Variants in PCM1 observed in about 807,000 individuals in gnomAD.
The protein encoded by PCM1 is pericentriolar material 1 protein.
A neutral mutation model predicts 241.9 loss-of-function variants in PCM1; 157 were observed. That is an observed-to-expected ratio of 0.65 (90% CI 0.57 to 0.74). The LOEUF is 0.74. PCM1 is among the 30% of genes least tolerant of loss of function. The pLI, the probability that PCM1 is intolerant of heterozygous loss-of-function variation, is 0.00. For missense variants in PCM1, 3,478 were observed against 2,360.1 expected, an observed-to-expected ratio of 1.47 and a Z score of -9.81; for synonymous variants, 1,085 against 784.9, an observed-to-expected ratio of 1.38 and a Z score of -6.39.
rs34332429 is a variant in PCM1, at chr8:18,027,898, A to ATT, written c.*242_*243dup. 2.4e-5 allele frequency: 9 copies of ATT among 374,296 alleles called. No individual in the cohort carries two copies. Among genetic ancestry groups the ATT allele is most frequent in the Non-Finnish European group, 3.3e-5 (7 of 211,698 alleles). 23.2% of individuals were successfully genotyped at this position (374,296 alleles called of 1,614,324 possible). ...TTTCCCCCTTCTTTTTTGGGTCTTCATTTTTTTCCCCATTGTGATGTTTGG... is the reference window on the plus strand; with the variant it reads ...TTTCCCCCTTCTTTTTTGGGTCTTCATTTTTTTTTCCCCATTGTGATGTTTGG... On this transcript the variant is annotated 3_prime_UTR_variant, in exon 39 of 39. Coordinates refer to ENST00000325083, the MANE Select transcript of PCM1 (RefSeq NM_006197.4).
At chr8:18,026,036 C>T (rs1246040440) in intron 38 of PCM1, among the ~76,000 whole-genome samples, 1 of 150,542 alleles carries the variant, frequency 6.6e-6, no homozygotes, top group African/African-American at 2.4e-5. Flanking sequence ...CGGTGGCGGG[C>T]GCCTGTAGTG....
intron 36 of PCM1, among the ~76,000 whole-genome samples, chr8:18,016,818 T>G (rs2129486818): frequency 6.6e-6 from 1 of 152,332 alleles, no homozygotes; most frequent in South Asian, 2.1e-4. Flanking sequence ...GAAAGGAAGT[T>G]AGGCTAATGC....
At chr8:17,925,010 T>C (rs1052811606) in intron 2 of PCM1, 2 of 152,240 alleles carry the variant, frequency 1.3e-5, no homozygotes, top group South Asian at 4.1e-4. Context: ...ATTACTAGAA[T>C]GGTTTATGCA....
intron 29 of PCM1, among the ~76,000 whole-genome samples, chr8:18,004,671 C>T (rs982660863): frequency 6.6e-6 from 1 of 152,088 alleles, no homozygotes; most frequent in Non-Finnish European, 1.5e-5. Context: ...GTTAATTATG[C>T]CCAGGCAGCA....
In PCM1 at chr8:17,985,989, C is replaced by T; in HGVS notation, c.4312C>T (p.His1438Tyr). 1 of 1,579,502 alleles carries T rather than the reference C, an allele frequency of 6.3e-7. No homozygotes were observed. The change falls in exon 26 of 39, where the codon CAT (histidine) becomes TAT (tyrosine). Residue 1438 changes from histidine (H) to tyrosine (Y), a missense_variant. Transcript: ENST00000325083. ...DIVSRHISES[H>Y]EKGENVKSVN... ...AGTATCCAGACATATTTCTGAGAGC[C>T]ATGAAAAAGGAGAAAATGTAAAGTC...
chr8:17,945,252 C>T (rs149503739), intron 6 of PCM1, among the ~76,000 whole-genome samples: 1 of 152,078 alleles, frequency 6.6e-6, no homozygotes, highest in African/African-American at 2.4e-5. Flanking sequence ...TGAATTTCCA[C>T]GGAAATGGAT....
intron 29 of PCM1, among the ~76,000 whole-genome samples, chr8:18,003,714 GT>G (rs1468934654): frequency 3.9e-5 from 6 of 152,102 alleles, no homozygotes; most frequent in African/African-American, 1.4e-4. Flanking sequence ...AAATACATCA[GT>G]TTTACCAAGT....
At chr8:17,956,355 T>A (rs552183478) in intron 10 of PCM1, among the ~76,000 whole-genome samples, 1 of 152,258 alleles carries the variant, frequency 6.6e-6, no homozygotes, top group African/African-American at 2.4e-5. Context: ...AAATGAACAA[T>A]TAAATTGAAA....
intron 2 of PCM1, chr8:17,925,156 C>T (rs556643156): frequency 6.6e-6 from 1 of 152,322 alleles, no homozygotes; most frequent in East Asian, 1.9e-4. Context: ...ATTGGCTGTT[C>T]ATGAACTCTA....
intron 13 of PCM1, among the ~76,000 whole-genome samples, chr8:17,959,399 G>A (rs926168271): frequency 1.4e-4 from 21 of 151,972 alleles, no homozygotes; most frequent in Admixed American, 1.4e-3. Context: ...TTTAGTTAAT[G>A]TATAATAGCA....
At chr8:18,005,662 A>G (rs1451300027) in intron 29 of PCM1, among the ~76,000 whole-genome samples, 2 of 152,142 alleles carry the variant, frequency 1.3e-5, no homozygotes, top group African/African-American at 4.8e-5. Flanking sequence ...GAGACACTTG[A>G]CTGAAGTGAT....
Position 17,935,662 on chromosome 8 carries a change from C to G in PCM1, c.52C>G (p.Pro18Ala), listed in dbSNP as rs759079805. The G allele has an allele frequency of 1.3e-6, 2 of 1,561,352 alleles. No homozygotes were observed. The highest frequency in any genetic ancestry group is 2.2e-5 in the East Asian group (1 of 44,606). Residue 18 changes from proline to alanine, a missense_variant, in exon 3 of 39, where the codon CCA becomes GCA. Pro to Ala is a conservative substitution (Grantham distance 27, BLOSUM62 -1). Coordinates refer to ENST00000325083, the MANE Select transcript of PCM1 (RefSeq NM_006197.4). The part of the protein sequence containing the change: ...FEDGMNDQDL[P>A]NWSNENVDDR... ...AGATGGCATGAATGATCAGGATTTA[C>G]CAAACTGGAGTAATGAGAATGTTGA...
intron 32 of PCM1, 82 bp downstream of exon 32, chr8:18,010,750 A>G: frequency 1.1e-6 from 1 of 888,890 alleles, no homozygotes; most frequent in East Asian, 2.9e-5. Context: ...TGGGAGGCCA[A>G]GGCGGGTGGA....
chr8:17,924,419 T>G (rs1465941721), intron 1 of PCM1, among the ~76,000 whole-genome samples: 1 of 152,202 alleles, frequency 6.6e-6, no homozygotes, highest in African/African-American at 2.4e-5. Context: ...AACTTTGGCA[T>G]AGACTATTAA....
intron 2 of PCM1, chr8:17,926,387 T>C (rs1186678621): frequency 2.0e-5 from 3 of 152,216 alleles, no homozygotes; most frequent in African/African-American, 7.2e-5. Context: ...ACTTTCATTT[T>C]TACGGATTTG....
intron 35 of PCM1, among the ~76,000 whole-genome samples, chr8:18,014,282 G>A (rs1435767875): frequency 6.6e-6 from 1 of 151,852 alleles, no homozygotes; most frequent in Non-Finnish European, 1.5e-5. Flanking sequence ...CAAGAGCATC[G>A]CATCTTTAGA....
At chr8:17,965,911 C>A in intron 18 of PCM1, 88 bp from the exon 19 acceptor site, 1 of 802,628 alleles carries the variant, frequency 1.2e-6, no homozygotes, top group Non-Finnish European at 2.0e-6. Context: ...GAATATTGGC[C>A]CATAGGCCTG....
chr8:17,937,299 T>A lies in PCM1; in HGVS notation c.262T>A (p.Tyr88Asn). 2.5e-6 allele frequency: 4 copies of A among 1,609,742 alleles called. No homozygotes were observed. The highest frequency in any genetic ancestry group is 3.4e-6 in the Non-Finnish European group (4 of 1,176,970). The change falls in exon 4 of 39, where the codon TAC becomes AAC. Residue 88 changes from tyrosine to asparagine, a missense_variant. Physicochemically the swap from Tyr to Asn is moderately radical, Grantham distance 143 (BLOSUM62 -2). Coordinates refer to ENST00000325083, the MANE Select transcript of PCM1 (RefSeq NM_006197.4). ...TCCACATACGTTCCCACACAGTAGA[T>A]ACATGAGTCAGATGTCTGTCCCAGA... Reference protein sequence around the residue: ...KTPHTFPHSRYMSQMSVPEQA... With the variant: ...KTPHTFPHSRNMSQMSVPEQA...
intron 35 of PCM1, 74 bp downstream of exon 35, chr8:18,014,110 A>ACC: frequency 1.3e-6 from 1 of 776,914 alleles, no homozygotes; most frequent in Non-Finnish European, 2.0e-6. Flanking sequence ...AAAAAAAAAA[A>ACC]ACACACACAG....
Sources: allele counts gnomAD v4.1 joint callset (sites outside exome capture counted in the v4.1 genomes callset), GRCh38; gene constraint gnomAD v4.1.1; transcripts MANE v1.5; gene names NCBI Gene and HGNC (gene_info 2026-07-23, HGNC 2026-07-21).